Variants in NOS1 observed in about 807,000 individuals in gnomAD.
NOS1 encodes nitric oxide synthase 1.
Under a neutral mutation model 164.5 loss-of-function variants are expected in NOS1, and 51 were observed. The observed-to-expected ratio is 0.31, with a 90% confidence interval of 0.25 to 0.39. NOS1 has a LOEUF of 0.39. NOS1 is among the 10% of genes least tolerant of loss of function. The pLI is 1.00. For synonymous variants in NOS1, 719 were observed against 745.8 expected (o/e 0.96, Z 0.59); for missense variants, 1,362 against 1,885.6 (o/e 0.72, Z 5.14).
intron 16 of NOS1, chr12:117,256,069 T>G: frequency 3.3e-6 from 4 of 1,216,674 alleles, no homozygotes; most frequent in Non-Finnish European, 4.4e-6. Flanking sequence ...GCCCTATCTC[T>G]CCCTGAAGGA....
chr12:117,358,248 C>T (rs987884424), intron 1 of NOS1, among the ~76,000 whole-genome samples: 1 of 152,226 alleles, frequency 6.6e-6, no homozygotes, highest in Non-Finnish European at 1.5e-5. Context: ...TTCTGGACAA[C>T]TGACTGAATG....
intron 20 of NOS1, 128 bp downstream of exon 20, chr12:117,242,499 G>C: frequency 2.6e-6 from 2 of 775,036 alleles, no homozygotes; most frequent in Non-Finnish European, 4.6e-6. Flanking sequence ...AAAGCAGCAA[G>C]GGGGTCTCTA....
chr12:117,218,010 C>T (rs1367751967), intron 28 of NOS1, 36 bp downstream of exon 28: 1 of 1,471,522 alleles, frequency 6.8e-7, no homozygotes, highest in Admixed American at 1.7e-5. Context: ...AGAGAGGGCT[C>T]TTCCTGCCCC....
intron 1 of NOS1, among the ~76,000 whole-genome samples, chr12:117,348,798 G>T (rs1383707642): frequency 1.3e-5 from 2 of 152,180 alleles, no homozygotes; most frequent in East Asian, 1.9e-4. Context: ...GGGAGACAAG[G>T]AAAGACTGAC....
At chr12:117,344,388 G>A (rs530265907) in intron 1 of NOS1, among the ~76,000 whole-genome samples, 40 of 152,248 alleles carry the variant, frequency 2.6e-4, no homozygotes, top group East Asian at 9.7e-4. Flanking sequence ...TTTCAATTTC[G>A]TACAGTTCAA....
intron 12 of NOS1, among the ~76,000 whole-genome samples, chr12:117,264,865 G>T (rs1233450941): frequency 6.6e-6 from 1 of 151,916 alleles, no homozygotes; most frequent in East Asian, 1.9e-4. Context: ...CATACGCCAG[G>T]CTAATTTTTT....
intron 1 of NOS1, among the ~76,000 whole-genome samples, chr12:117,339,348 AC>A (rs1252179217): frequency 6.6e-6 from 1 of 152,240 alleles, no homozygotes; most frequent in South Asian, 2.1e-4. Context: ...GCTTAGAGTT[AC>A]AAGCACGAGC....
intron 2 of NOS1, among the ~76,000 whole-genome samples, chr12:117,312,313 C>A (rs578204260): frequency 6.6e-6 from 1 of 152,192 alleles, no homozygotes; most frequent in East Asian, 1.9e-4. Flanking sequence ...AAGCGATGCC[C>A]CTGCCTCAGC....
chr12:117,260,131 A>C (rs1445835202), intron 14 of NOS1, among the ~76,000 whole-genome samples: 32 of 142,138 alleles, frequency 2.3e-4, no homozygotes, highest in African/African-American at 9.5e-4. Context: ...AAAAAAAAAA[A>C]AACAAAAAAC....
At position 117,272,157 on chromosome 12, in the gene NOS1, C is replaced by G. The variant is rs1001188267; in HGVS notation, c.1839+228G>C. Among the ~76,000 whole-genome samples the G allele has an allele frequency of 2.0e-5, 3 of 152,178 alleles. No individual in the cohort carries two copies. The highest frequency in any genetic ancestry group is 7.2e-5 in the African/African-American group (3 of 41,444). ...AGAATGGAACACAGCAACAGTGCTT[C>G]GGATGCTGTTAGCACGTGCTATGTG... On this transcript the variant is annotated intron_variant, in intron 10 of 28. Coordinates refer to ENST00000317775, the MANE Select transcript of NOS1 (RefSeq NM_000620.5). The surrounding 1 kb of genome is among the most constrained non-coding windows in gnomAD (Gnocchi z 4.3).
chr12:117,286,081 A>G (rs765452035), intron 6 of NOS1, 23 bp downstream of exon 6: 6 of 1,613,510 alleles, frequency 3.7e-6, no homozygotes, highest in East Asian at 2.2e-5. Context: ...GGGCTCTTCA[A>G]GGTATCTGAC....
chr12:117,314,373 A>G (rs1481373567), intron 2 of NOS1, among the ~76,000 whole-genome samples: 2 of 152,212 alleles, frequency 1.3e-5, no homozygotes, highest in Non-Finnish European at 2.9e-5. Context: ...TCACATGACC[A>G]TAAATGAGGA....
rs138910703 is a variant in NOS1 at position 117,358,091 on chromosome 12, A to G, written c.-421+3421T>C. Among the ~76,000 whole-genome samples, 625 of 152,354 alleles carry G rather than the reference A, an allele frequency of 4.1e-3. 5 individuals carry two copies. Among genetic ancestry groups the G allele is most frequent in the Middle Eastern group, 0.014 (4 of 294 alleles). On this transcript the variant is annotated intron_variant, in intron 1 of 28. Coordinates refer to ENST00000317775, the MANE Select transcript of NOS1 (RefSeq NM_000620.5). Reference sequence around the variant, plus strand: ...GAACCTGAGTGACAGGCAACACATGAAGTCTTGTCATAAGACACCCCAAAA... The same window carrying G: ...GAACCTGAGTGACAGGCAACACATGGAGTCTTGTCATAAGACACCCCAAAA...
At chr12:117,241,042 C>T (rs1342187440) in intron 20 of NOS1, among the ~76,000 whole-genome samples, 5 of 151,380 alleles carry the variant, frequency 3.3e-5, no homozygotes, top group African/African-American at 7.3e-5. Context: ...TGGGTTCCAG[C>T]GATTCGCCTG....
chr12:117,293,832 C>T (rs1057494843), intron 3 of NOS1, among the ~76,000 whole-genome samples: 10 of 152,146 alleles, frequency 6.6e-5, no homozygotes, highest in Admixed American at 1.3e-4. Context: ...CTTTGTTCCT[C>T]ATTTATACTT....
chr12:117,327,877 C>T (rs1875333215), intron 2 of NOS1, among the ~76,000 whole-genome samples: 1 of 152,050 alleles, frequency 6.6e-6, no homozygotes, highest in Non-Finnish European at 1.5e-5. Context: ...TGATGGAGCC[C>T]CTGTCTTACT....
At chr12:117,270,784 C>A (rs538101636) in intron 10 of NOS1, among the ~76,000 whole-genome samples, 14 of 152,178 alleles carry the variant, frequency 9.2e-5, no homozygotes, top group African/African-American at 2.9e-4. Flanking sequence ...CCCTGTAATC[C>A]CAGCACTTTG....
chr12:117,326,398 AAAAC>A (rs1875254065), intron 2 of NOS1, among the ~76,000 whole-genome samples: 1 of 13,002 alleles, frequency 7.7e-5, no homozygotes, highest in African/African-American at 1.3e-4. Flanking sequence ...AAAAAAAAAA[AAAAC>A]AAAAAAACAA....
At chr12:117,220,948 T>G (rs1184816605) in intron 26 of NOS1, among the ~76,000 whole-genome samples, 1 of 151,892 alleles carries the variant, frequency 6.6e-6, no homozygotes, top group Non-Finnish European at 1.5e-5. Context: ...CTCTTAAGAC[T>G]GAGATACTCC....
Sources: allele counts gnomAD v4.1 joint callset (sites outside exome capture counted in the v4.1 genomes callset), GRCh38; gene constraint gnomAD v4.1.1; non-coding constraint Gnocchi (gnomAD v3.1); transcripts MANE v1.5; gene names NCBI Gene and HGNC (gene_info 2026-07-23, HGNC 2026-07-21).